Variants in NCAM1 observed in about 807,000 individuals in gnomAD.
NCAM1 encodes antigen recognized by monoclonal antibody 5.1H11.
A neutral mutation model predicts 109.8 loss-of-function variants in NCAM1; 14 were observed. The ratio of observed to expected loss-of-function variants is 0.13; its 90% CI spans 0.08 to 0.20. NCAM1 has a LOEUF of 0.20. Ranked by LOEUF, NCAM1 falls within the 10% of genes least tolerant of loss-of-function variation. The pLI, the probability that NCAM1 is intolerant of heterozygous loss-of-function variation, is 1.00. For missense variants in NCAM1, 774 were observed against 1,109.9 expected (o/e 0.70, Z 4.30); for synonymous variants, 418 against 442.9 (o/e 0.94, Z 0.70).
At chr11:113,205,944 T>C (rs1018141243) in intron 4 of NCAM1, 99 bp from the exon 5 acceptor site, 8 of 1,462,404 alleles carry the variant, frequency 5.5e-6, no homozygotes, top group Non-Finnish European at 6.7e-6. Flanking sequence ...AACCCCACCC[T>C]ATGATACTGA....
intron 1 of NCAM1, among the ~76,000 whole-genome samples, chr11:113,187,798 G>C (rs376636573): frequency 1.1e-4 from 17 of 152,242 alleles, no homozygotes; most frequent in Middle Eastern, 3.4e-3. Flanking sequence ...ACCGCCACTG[G>C]AATTGTGTGC....
At chr11:113,076,563 T>C (rs1173561952) in intron 1 of NCAM1, among the ~76,000 whole-genome samples, 1 of 152,258 alleles carries the variant, frequency 6.6e-6, no homozygotes, top group African/African-American at 2.4e-5. Context: ...AACTAAATAG[T>C]TGAGTGACTT....
At chr11:113,083,926 A>T (rs782729246) in intron 1 of NCAM1, among the ~76,000 whole-genome samples, 2 of 152,224 alleles carry the variant, frequency 1.3e-5, no homozygotes, top group African/African-American at 2.4e-5. Flanking sequence ...GTGAAGAGCC[A>T]GTTGAACTAA....
At chr11:113,139,105 C>A (rs116466815) in intron 1 of NCAM1, among the ~76,000 whole-genome samples, 36 of 152,326 alleles carry the variant, frequency 2.4e-4, no homozygotes, top group African/African-American at 7.9e-4. Flanking sequence ...TTTGAAAGAG[C>A]AAACAGACTG....
At chr11:112,988,171 T>C (rs1555070000) in intron 1 of NCAM1, among the ~76,000 whole-genome samples, 1 of 152,166 alleles carries the variant, frequency 6.6e-6, no homozygotes, top group Non-Finnish European at 1.5e-5. Flanking sequence ...CCTCTACACT[T>C]TTATGCCCCA....
chr11:113,250,234 C>T (rs192074870), intron 15 of NCAM1, among the ~76,000 whole-genome samples: 126 of 152,320 alleles, frequency 8.3e-4, no homozygotes, highest in African/African-American at 3.0e-3. Flanking sequence ...CACTCGGCAT[C>T]CCTAGAATAG....
intron 1 of NCAM1, among the ~76,000 whole-genome samples, chr11:113,179,597 C>CTTA (rs1344776505): frequency 5.3e-5 from 8 of 152,234 alleles, no homozygotes; most frequent in Admixed American, 6.5e-5. Context: ...GTCTGCTCTG[C>CTTA]TTAATAAGTG....
rs1454134743 is a variant in NCAM1, at chr11:113,270,257, T to C, written c.2201T>C (p.Leu734Pro). The change falls in exon 18 of 20, where the codon CTG becomes CCG. Residue 734 changes from leucine to proline, a missense_variant. Physicochemically the swap from Leu to Pro is moderately conservative, Grantham distance 98. Transcript: ENST00000316851. ...GGCATCCTCATCGTCATCTTCGTCC[T>C]GCTCCTGGTGGTTGTGGACATCACC... ...IVGILIVIFV[L>P]LLVVVDITCY... 3.1e-6 allele frequency: 5 copies of C among 1,613,940 alleles called. No individual in the cohort carries two copies. The highest frequency in any genetic ancestry group is 4.2e-6 in the Non-Finnish European group (5 of 1,179,904).
At chr11:112,971,252 GTCTCTC>G (rs145671050) in intron 1 of NCAM1, among the ~76,000 whole-genome samples, 1 of 148,976 alleles carries the variant, frequency 6.7e-6, no homozygotes, top group Non-Finnish European at 1.5e-5. Context: ...CTCTGTCTCT[GTCTCTC>G]TCTCTCTCTC....
chr11:113,107,534 G>A (rs550353796), intron 1 of NCAM1, among the ~76,000 whole-genome samples: 12 of 152,232 alleles, frequency 7.9e-5, no homozygotes, highest in Admixed American at 3.3e-4. Context: ...AGTTCTAAGT[G>A]TCTGGGGAGA....
At chr11:113,197,119 G>T in intron 1 of NCAM1, 1 of 172,450 alleles carries the variant, frequency 5.8e-6, no homozygotes, top group South Asian at 9.8e-5. Flanking sequence ...CATGAGAACA[G>T]CATGGGGGAA....
At position 113,256,041 on chromosome 11, in the gene NCAM1, A is replaced by G. The variant is rs1483369534; in HGVS notation, c.1953+40A>G. 26 of 1,568,110 alleles carry G rather than the reference A, an allele frequency of 1.7e-5. No individual in the cohort carries two copies. The Admixed American group carries it at 4.4e-4, about 27-fold the overall frequency. On this transcript the variant is annotated intron_variant, in intron 16 of 19. Coordinates refer to ENST00000316851, the MANE Select transcript of NCAM1 (RefSeq NM_181351.5). ...TCTCAGACTTCACCAGAACCCTGCAACCCTGGCACCCAGCTTGCTAGGGAA... is the reference window on the plus strand; with the variant it reads ...TCTCAGACTTCACCAGAACCCTGCAGCCCTGGCACCCAGCTTGCTAGGGAA...
chr11:113,038,770 G>C (rs1327452393), intron 1 of NCAM1, among the ~76,000 whole-genome samples: 3 of 152,182 alleles, frequency 2.0e-5, no homozygotes, highest in Non-Finnish European at 2.9e-5. Context: ...AGATGTTGAG[G>C]GGGAGAAATG....
intron 1 of NCAM1, among the ~76,000 whole-genome samples, chr11:112,965,084 TA>T (rs1555064977): frequency 6.7e-6 from 1 of 150,208 alleles, no homozygotes; most frequent in East Asian, 2.0e-4. Flanking sequence ...ATTTTTTTTT[TA>T]AAAATGGAAT....
chr11:113,130,729 T>C (rs2136115918), intron 1 of NCAM1: 1 of 152,348 alleles, frequency 6.6e-6, no homozygotes, highest in East Asian at 1.9e-4. Context: ...CTTCCCCTAG[T>C]AGTACACATT....
intron 1 of NCAM1, among the ~76,000 whole-genome samples, chr11:113,017,329 CT>C (rs570865162): frequency 2.2e-3 from 340 of 152,214 alleles, no homozygotes; most frequent in Middle Eastern, 0.01. Context: ...CATGAACAAA[CT>C]TTTTTAAAAG....
chr11:113,097,006 G>T (rs1452475568), intron 1 of NCAM1, among the ~76,000 whole-genome samples: 2 of 152,038 alleles, frequency 1.3e-5, no homozygotes, highest in East Asian at 3.9e-4. Context: ...AACCCCCCCT[G>T]CCCTGTGCCA....
intron 9 of NCAM1, among the ~76,000 whole-genome samples, chr11:113,229,283 G>A (rs868921130): frequency 1.1e-4 from 17 of 152,100 alleles, no homozygotes; most frequent in African/African-American, 2.7e-4. Flanking sequence ...GGATATGAAC[G>A]ACACTTCTCA....
chr11:113,066,206 A>G (rs1937948515), intron 1 of NCAM1, among the ~76,000 whole-genome samples: 1 of 151,198 alleles, frequency 6.6e-6, no homozygotes, highest in South Asian at 2.1e-4. Flanking sequence ...TAGAATATGG[A>G]CAGTTCAGTG....
Sources: gnomAD v4.1 joint callset for allele counts (sites outside exome capture counted in the v4.1 genomes callset) on GRCh38, gnomAD v4.1.1 for gene constraint, MANE v1.5 for transcripts, NCBI Gene and HGNC (gene_info 2026-07-23, HGNC 2026-07-21) for gene names.